Variants in STARD7 observed in about 807,000 individuals in gnomAD.
The protein encoded by STARD7 is stAR-related lipid transfer protein 7, mitochondrial.
A neutral mutation model predicts 45.3 loss-of-function variants in STARD7; 30 were observed. The ratio of observed to expected loss-of-function variants is 0.66; its 90% CI spans 0.50 to 0.90. The LOEUF (loss-of-function observed/expected upper bound fraction) is 0.90. Ranked by LOEUF, STARD7 falls within the 40% of genes least tolerant of loss-of-function variation. The pLI is 0.00. For synonymous variants in STARD7, 199 were observed against 183.0 expected (o/e 1.09, Z -0.70); for missense variants, 495 against 491.3 (o/e 1.01, Z -0.07).
chr2:96,205,489 G>A (rs1439815889), intron 1 of STARD7, among the ~76,000 whole-genome samples: 1 of 152,180 alleles, frequency 6.6e-6, no homozygotes, highest in East Asian at 1.9e-4. Context: ...CAAAGGCTGT[G>A]ATTTAGGGGC....
intron 6 of STARD7, among the ~76,000 whole-genome samples, chr2:96,189,289 T>C (rs1683088214): frequency 6.6e-6 from 1 of 152,130 alleles, no homozygotes; most frequent in African/African-American, 2.4e-5. Flanking sequence ...ACAGAAACAT[T>C]GCACACATAT....
At chr2:96,195,739 A>C (rs1370562224) in intron 1 of STARD7, among the ~76,000 whole-genome samples, 190 bp from the exon 2 acceptor site, 1 of 152,210 alleles carries the variant, frequency 6.6e-6, no homozygotes, top group Non-Finnish European at 1.5e-5. Flanking sequence ...TAACTAGATT[A>C]TTATTTAACC....
chr2:96,206,847 T>C (rs1037496509), intron 1 of STARD7, among the ~76,000 whole-genome samples: 4 of 145,330 alleles, frequency 2.8e-5, no homozygotes, highest in Non-Finnish European at 6.1e-5. Flanking sequence ...CATTTCATCA[T>C]CAAAAATGAA....
At position 96,195,489 on chromosome 2, in the gene STARD7, G is replaced by C; in HGVS notation, c.351C>G (p.Val117=). 6.2e-7 allele frequency: 1 copy of C among 1,613,708 alleles called. No individual in the cohort carries two copies. The highest frequency in any genetic ancestry group is 8.5e-7 in the Non-Finnish European group (1 of 1,179,784). The stretch of plus-strand genomic sequence containing the variant: ...CTTTTGGTTCTGGAGGGTGGTGCTG[G>C]ACTCCAGAGCTCTGAAACATATTTG... ...EMSNMFQSSG[V]QHHPPEPKAQ... is the part of the protein sequence containing the mutation. The change falls in exon 2 of 8, where the codon GTC becomes GTG. Residue 117 remains valine, a synonymous_variant. Transcript: ENST00000337288.
At chr2:96,191,693 T>G (rs1443106896) in intron 6 of STARD7, among the ~76,000 whole-genome samples, 1 of 151,990 alleles carries the variant, frequency 6.6e-6, no homozygotes, top group African/African-American at 2.4e-5. Flanking sequence ...CTCAAGTCCT[T>G]GAGGTGGTAT....
intron 1 of STARD7, among the ~76,000 whole-genome samples, chr2:96,197,112 A>ACAATACAATACAAT (rs1683232090): frequency 6.7e-6 from 1 of 148,890 alleles, no homozygotes; most frequent in Admixed American, 6.7e-5. Flanking sequence ...AAAATAAAAT[A>ACAATACAATACAAT]AAATAAAATA....
At chr2:96,203,443 A>C (rs1374944819) in intron 1 of STARD7, among the ~76,000 whole-genome samples, 1 of 152,258 alleles carries the variant, frequency 6.6e-6, no homozygotes, top group East Asian at 1.9e-4. Flanking sequence ...AACTGAAAGC[A>C]AACAAACCAT....
At chr2:96,192,977 T>C (rs561616487) in intron 5 of STARD7, 101 bp downstream of exon 5, 119 of 818,416 alleles carry the variant, frequency 1.5e-4, no homozygotes, top group Non-Finnish European at 2.3e-4. Context: ...GGGAAGCCTG[T>C]GGGAGACTCA....
At chr2:96,207,163 G>C (rs1683406897) in intron 1 of STARD7, among the ~76,000 whole-genome samples, 1 of 152,176 alleles carries the variant, frequency 6.6e-6, no homozygotes, top group Admixed American at 6.5e-5. Context: ...CTGGCATCTG[G>C]GTGTTACACC....
chr2:96,193,163 A>G lies in STARD7; in HGVS notation c.661-3T>C. ...TAATCCCGTGAGTACATTGGATACT[A>G]AAGAAATGGAGGAGCAGGATTAGTG... On this transcript the variant is annotated splice_polypyrimidine_tract_variant and splice_region_variant and intron_variant, in intron 4 of 7. Transcript: ENST00000337288. The G allele has an allele frequency of 6.2e-7, 1 of 1,608,896 alleles. No homozygotes were observed. The highest frequency in any genetic ancestry group is 1.1e-5 in the South Asian group (1 of 90,968).
At chr2:96,188,066 C>T (rs1266255262) in intron 6 of STARD7, 1 of 150,708 alleles carries the variant, frequency 6.6e-6, no homozygotes, top group Non-Finnish European at 1.5e-5. Flanking sequence ...ACTTGAGGAC[C>T]AGAGTTCGAG....
At position 96,192,432 on chromosome 2, in the gene STARD7, T is replaced by A; in HGVS notation, c.780A>T (p.Glu260Asp). The A allele has an allele frequency of 6.2e-7, 1 of 1,613,916 alleles. No individual in the cohort carries two copies. Among genetic ancestry groups the A allele is most frequent in the Non-Finnish European group, 8.5e-7 (1 of 1,179,846 alleles). The change falls in exon 6 of 8, where the codon GAA becomes GAT. Residue 260 changes from glutamate (E) to aspartate (D), a missense_variant. This residue lies in a region of STARD7 where 213 missense variants were observed against 271.2 expected (regional missense o/e 0.79). Coordinates refer to ENST00000337288, the MANE Select transcript of STARD7 (RefSeq NM_020151.4). ...ATTCATATGATCTGACCCTGACGAATTCTGGAGACTCTGGCACACTCGGAT... is the reference window on the plus strand; with the variant it reads ...ATTCATATGATCTGACCCTGACGAAATCTGGAGACTCTGGCACACTCGGAT... ...VEHPSVPESP[E>D]FVRVRSYESQ...
At chr2:96,190,842 T>C (rs1683115425) in intron 6 of STARD7, among the ~76,000 whole-genome samples, 2 of 152,022 alleles carry the variant, frequency 1.3e-5, no homozygotes, top group East Asian at 3.9e-4. Flanking sequence ...GGTCTCTCCA[T>C]GCTGCCTGGC....
intron 1 of STARD7, among the ~76,000 whole-genome samples, chr2:96,197,785 T>C (rs1298619859): frequency 2.0e-5 from 3 of 152,216 alleles, no homozygotes; most frequent in Admixed American, 6.5e-5. Context: ...TCTGTCTCTA[T>C]GGAGTTGCCA....
chr2:96,194,937 T>C, intron 3 of STARD7, 21 bp downstream of exon 3: 1 of 1,601,750 alleles, frequency 6.2e-7, no homozygotes, highest in Non-Finnish European at 8.5e-7. Context: ...GCTCCAAATC[T>C]GGAGAGAAAA....
chr2:96,197,074 A>AATTAACATAACATAACATAAC (rs1553432292), intron 1 of STARD7, among the ~76,000 whole-genome samples: 9 of 128,120 alleles, frequency 7.0e-5, no homozygotes, highest in Admixed American at 2.3e-4. Context: ...CTCAAAATAA[A>AATTAACATAACATAACATAAC]ATAAAATAAA....
Position 96,194,956 on chromosome 2 carries a change from A to C in STARD7, c.549+2T>G. The C allele has an allele frequency of 6.2e-7, 1 of 1,608,512 alleles. No individual in the cohort carries two copies. The highest frequency in any genetic ancestry group is 2.2e-5 in the East Asian group (1 of 44,812). ...CAAATCTGGAGAGAAAAATTAACTC[A>C]CCTGAACATTGAAGAACTGCCGAGG... On this transcript the variant is annotated splice_donor_variant, in intron 3 of 7. Coordinates refer to ENST00000337288, the MANE Select transcript of STARD7 (RefSeq NM_020151.4). LOFTEE classifies it high-confidence loss of function.
At position 96,195,261 on chromosome 2, in the gene STARD7, A is replaced by C. The variant is rs576867292; in HGVS notation, c.499+80T>G. ...AAATTTTCTGAGAAACAACCAGAAC[A>C]GTTTAGAGAAGTATGAAGAACAGAA... On this transcript the variant is annotated intron_variant, in intron 2 of 7. Coordinates refer to ENST00000337288, the MANE Select transcript of STARD7 (RefSeq NM_020151.4). 9 of 1,254,680 alleles carry C rather than the reference A, an allele frequency of 7.2e-6. No homozygotes were observed. The African/African-American group carries it at 1.2e-4, about 17-fold the overall frequency. 77.7% of individuals were successfully genotyped at this position (1,254,680 alleles called of 1,614,324 possible).
At chr2:96,198,144 AAAAC>A (rs1191184068) in intron 1 of STARD7, among the ~76,000 whole-genome samples, 2 of 151,974 alleles carry the variant, frequency 1.3e-5, no homozygotes, top group Admixed American at 1.3e-4. Flanking sequence ...CCAACATGGC[AAAAC>A]CCCATTTCTA....
Sources: gnomAD v4.1 joint callset for allele counts (sites outside exome capture counted in the v4.1 genomes callset) on GRCh38, gnomAD v4.1.1 for gene constraint, gnomAD v4.1.1 regional missense constraint, MANE v1.5 for transcripts, NCBI Gene and HGNC (gene_info 2026-07-23, HGNC 2026-07-21) for gene names.